Variants in CELF4 observed in about 807,000 individuals in gnomAD.
CELF4 encodes CUGBP Elav-like family member 4, also known as CUG-BP- and ETR-3-like factor 4.
A neutral mutation model predicts 59.9 loss-of-function variants in CELF4; 18 were observed. The ratio of observed to expected loss-of-function variants is 0.30; its 90% confidence interval spans 0.21 to 0.45. The LOEUF is 0.45. Ranked by LOEUF, CELF4 falls within the 20% of genes least tolerant of loss-of-function variation. The pLI is 1.00. For missense variants in CELF4, 456 were observed against 689.0 expected (o/e 0.66, Z 3.79); for synonymous variants, 261 against 267.1 (o/e 0.98, Z 0.22).
chr18:37,529,053 A>C (rs2099966827), intron 1 of CELF4: 1 of 152,138 alleles, frequency 6.6e-6, no homozygotes, highest in South Asian at 2.1e-4. Flanking sequence ...AGGATGACCC[A>C]GGTGGAGGTG....
Position 37,274,363 on chromosome 18 carries a change from A to G in CELF4, c.749T>C (p.Met250Thr), listed in dbSNP as rs1326990591. 6.2e-7 allele frequency: 1 copy of G among 1,613,534 alleles called. No homozygotes were observed. The highest frequency in any genetic ancestry group is 8.5e-7 in the Non-Finnish European group (1 of 1,179,944). ...GAAAGGGATGGCCATGGGGTTGAAC[A>G]TGCCCATCTGGCCAGCCATCTGCTG... ...RMQQMAGQMG[M>T]FNPMAIPFGA... Residue 250 changes from methionine (M) to threonine (T), a missense_variant, in exon 6 of 13, where the codon ATG becomes ACG. Met to Thr is a moderately conservative substitution (Grantham distance 81). Transcript: ENST00000420428.
chr18:37,470,887 T>TGTGTGTGA (rs1325788685), intron 2 of CELF4, among the ~76,000 whole-genome samples: 17 of 71,960 alleles, frequency 2.4e-4, no homozygotes, highest in African/African-American at 8.0e-4. Context: ...TGTGTGTGTG[T>TGTGTGTGA]GACAGAGAGA....
chr18:37,319,073 A>T (rs2096981937), intron 3 of CELF4, among the ~76,000 whole-genome samples: 1 of 152,012 alleles, frequency 6.6e-6, no homozygotes, highest in African/African-American at 2.4e-5. Context: ...GGCACCTACT[A>T]TCCCAGCTTT....
At chr18:37,336,557 A>C (rs967943141) in intron 2 of CELF4, among the ~76,000 whole-genome samples, 1 of 152,086 alleles carries the variant, frequency 6.6e-6, no homozygotes, top group African/African-American at 2.4e-5. Flanking sequence ...GAATTTGTCC[A>C]CCTGCCATTT....
chr18:37,290,843 G>A (rs1169006596), intron 3 of CELF4, among the ~76,000 whole-genome samples: 2 of 152,160 alleles, frequency 1.3e-5, no homozygotes, highest in Non-Finnish European at 2.9e-5. Context: ...CCTCCTGTCT[G>A]TCTTTCTCCA....
chr18:37,366,500 T>G (rs1234724304), intron 2 of CELF4, among the ~76,000 whole-genome samples: 3 of 152,174 alleles, frequency 2.0e-5, no homozygotes, highest in Admixed American at 6.5e-5. Flanking sequence ...GTGCAGGGGC[T>G]GCAGTGTGCC....
At position 37,412,692 on chromosome 18, in the gene CELF4, G is replaced by T. The variant is rs1032758347; in HGVS notation, c.369+72833C>A. On this transcript the variant is annotated intron_variant, in intron 2 of 12. Coordinates refer to ENST00000420428, the MANE Select transcript of CELF4 (RefSeq NM_020180.4). ...GATGAGTGCATGTGTGTATGGACGGGTGAATGAATGGATGTTACTTCTGCA... is the reference window on the plus strand; with the variant it reads ...GATGAGTGCATGTGTGTATGGACGGTTGAATGAATGGATGTTACTTCTGCA... Among the ~76,000 whole-genome samples the T allele has an allele frequency of 6.6e-5, 10 of 152,148 alleles. No homozygotes were observed. The South Asian group carries it at 2.1e-3, about 32-fold the overall frequency.
intron 1 of CELF4, among the ~76,000 whole-genome samples, chr18:37,536,338 G>A (rs2099973472): frequency 6.6e-6 from 1 of 152,126 alleles, no homozygotes; most frequent in African/African-American, 2.4e-5. Context: ...AGGTGTTAGG[G>A]CGAATGGTGC....
At chr18:37,266,461 G>A in intron 9 of CELF4, 72 bp downstream of exon 9, 1 of 1,388,850 alleles carries the variant, frequency 7.2e-7, no homozygotes, top group Non-Finnish European at 1.0e-6. Flanking sequence ...GGCCTGAGGG[G>A]GCACTGGTGT....
At chr18:37,270,232 G>C (rs1298930446) in intron 8 of CELF4, among the ~76,000 whole-genome samples, 4 of 152,222 alleles carry the variant, frequency 2.6e-5, no homozygotes, top group African/African-American at 7.2e-5. Context: ...TGGGCTGTCT[G>C]TGGTGCTGAC....
intron 2 of CELF4, among the ~76,000 whole-genome samples, chr18:37,382,061 T>C (rs917814189): frequency 6.6e-6 from 1 of 152,190 alleles, no homozygotes; most frequent in African/African-American, 2.4e-5. Flanking sequence ...GGTCCTTAAA[T>C]TGACCTGGTA....
At chr18:37,398,670 T>G (rs2099276311) in intron 2 of CELF4, among the ~76,000 whole-genome samples, 1 of 152,150 alleles carries the variant, frequency 6.6e-6, no homozygotes, top group African/African-American at 2.4e-5. Flanking sequence ...CAGGGACACG[T>G]ACCAGCCACT....
chr18:37,449,688 A>G (rs1271415045), intron 2 of CELF4, among the ~76,000 whole-genome samples: 2 of 152,202 alleles, frequency 1.3e-5, no homozygotes, highest in Non-Finnish European at 2.9e-5. Context: ...TAAAATGGCC[A>G]GGGAAGGCCT....
intron 2 of CELF4, among the ~76,000 whole-genome samples, chr18:37,368,826 G>A (rs2098821622): frequency 6.6e-6 from 1 of 152,240 alleles, no homozygotes; most frequent in South Asian, 2.1e-4. Context: ...CACCTGTACA[G>A]TCTGTGCCTG....
intron 2 of CELF4, among the ~76,000 whole-genome samples, chr18:37,364,174 G>T (rs976144526): frequency 6.6e-6 from 1 of 152,170 alleles, no homozygotes; most frequent in African/African-American, 2.4e-5. Context: ...GGCTTGGGGA[G>T]CAGTCAGTGG....
intron 2 of CELF4, among the ~76,000 whole-genome samples, chr18:37,464,609 GGT>G (rs1484836290): frequency 6.6e-6 from 1 of 152,140 alleles, no homozygotes; most frequent in Non-Finnish European, 1.5e-5. Context: ...TGGGTGTGGA[GGT>G]GTGTTTCTCA....
At position 37,463,274 on chromosome 18, in the gene CELF4, C is replaced by T. The variant is rs183997656; in HGVS notation, c.369+22251G>A. On this transcript the variant is annotated intron_variant, in intron 2 of 12. Transcript: ENST00000420428. ...ACTGAGCCTCACATGTCCATGGCAG[C>T]GGGCATGGCTGCACCAGGCCTGGCT... Among the ~76,000 whole-genome samples the T allele has an allele frequency of 1.6e-3, 240 of 152,234 alleles. 3 individuals are homozygous for T. In the South Asian group the frequency reaches 0.017, roughly 11 times the overall value.
At chr18:37,383,713 T>C (rs978645091) in intron 2 of CELF4, among the ~76,000 whole-genome samples, 5 of 151,960 alleles carry the variant, frequency 3.3e-5, no homozygotes, top group Non-Finnish European at 7.4e-5. Flanking sequence ...GGAAGTCGGG[T>C]ATTAACCCTA....
intron 2 of CELF4, among the ~76,000 whole-genome samples, chr18:37,421,423 G>A (rs1321587872): frequency 2.6e-5 from 4 of 152,256 alleles, no homozygotes; most frequent in African/African-American, 9.6e-5. Flanking sequence ...CCTGGGCTCC[G>A]CACAGCTTTC....
Sources: gnomAD v4.1 joint callset for allele counts (sites outside exome capture counted in the v4.1 genomes callset) on GRCh38, gnomAD v4.1.1 for gene constraint, MANE v1.5 for transcripts, NCBI Gene and HGNC (gene_info 2026-07-23, HGNC 2026-07-21) for gene names.